Variants in ATP2C2 observed in about 807,000 individuals in gnomAD.
ATP2C2 encodes the protein calcium-transporting ATPase type 2C member 2.
Under a neutral mutation model 110.8 loss-of-function variants are expected in ATP2C2, and 171 were observed. The ratio of observed to expected loss-of-function variants is 1.54; its 90% CI spans 1.36 to 1.75. The LOEUF (loss-of-function observed/expected upper bound fraction) is 1.75, where lower values mean the gene tolerates loss of function less well. Ranked by LOEUF, ATP2C2 falls within the 40% of genes most tolerant of loss-of-function variation. The pLI is 0.00. For synonymous variants in ATP2C2, 804 were observed against 508.4 expected (o/e 1.58, Z -7.82); for missense variants, 1,963 against 1,235.0 (o/e 1.59, Z -8.84).
At chr16:84,440,543 C>T (rs1339879035) in intron 13 of ATP2C2, among the ~76,000 whole-genome samples, 1 of 152,200 alleles carries the variant, frequency 6.6e-6, no homozygotes, top group Admixed American at 6.6e-5. Context: ...AAGGCTAACA[C>T]GTTTACCCAG....
intron 1 of ATP2C2, 125 bp from the exon 2 acceptor site, chr16:84,398,374 C>G (rs1475300924): frequency 6.4e-6 from 3 of 470,932 alleles, no homozygotes; most frequent in Non-Finnish European, 3.4e-6. Context: ...ACACTGCACT[C>G]CAGCCTGGGT....
At chr16:84,406,963 C>T (rs1338152768) in intron 3 of ATP2C2, among the ~76,000 whole-genome samples, 1 of 152,166 alleles carries the variant, frequency 6.6e-6, no homozygotes, top group Non-Finnish European at 1.5e-5. Context: ...AAAATGAAAT[C>T]TCTTAAATTT....
intron 15 of ATP2C2, among the ~76,000 whole-genome samples, chr16:84,442,879 G>C (rs535766858): frequency 3.6e-4 from 55 of 152,282 alleles, no homozygotes; most frequent in African/African-American, 1.3e-3. Flanking sequence ...GTCAGGTGTT[G>C]AGGCGACAGA....
rs1911427704 is a variant in ATP2C2 at position 84,462,099 on chromosome 16, G to A, written c.2692G>A (p.Val898Ile). 4 of 1,613,982 alleles carry A rather than the reference G, an allele frequency of 2.5e-6. No individual in the cohort carries two copies. The highest frequency in any genetic ancestry group is 3.4e-6 in the Non-Finnish European group (4 of 1,179,922). Reference protein sequence around the residue: ...AVIYIPPLQRVFQTENLGALD... With the variant: ...AVIYIPPLQRIFQTENLGALD... ...CATTTACATCCCCCCGCTGCAGAGGGTCTTCCAGACGGAGAACCTGGGAGC... is the reference window on the plus strand; with the variant it reads ...CATTTACATCCCCCCGCTGCAGAGGATCTTCCAGACGGAGAACCTGGGAGC... The change falls in exon 26 of 27, where the codon GTC becomes ATC. Residue 898 changes from valine to isoleucine, a missense_variant. Physicochemically the swap from Val to Ile is conservative, Grantham distance 29. Transcript: ENST00000262429.
intron 1 of ATP2C2, among the ~76,000 whole-genome samples, chr16:84,397,308 C>A (rs1263467190): frequency 6.6e-6 from 1 of 151,434 alleles, no homozygotes; most frequent in Non-Finnish European, 1.5e-5. Context: ...TTTAAAATGT[C>A]CCATAGAACC....
In ATP2C2 at chr16:84,446,486, A is replaced by C. The variant is rs1351496767; in HGVS notation, c.1503+56A>C. Reference sequence around the variant, plus strand: ...TCTTTCTGCCCGGGCCCCCACCCAGAGATAAAGCAAAATGCAGACTTCAAG... The same window carrying C: ...TCTTTCTGCCCGGGCCCCCACCCAGCGATAAAGCAAAATGCAGACTTCAAG... On this transcript the variant is annotated intron_variant, in intron 16 of 26. Coordinates refer to ENST00000262429, the MANE Select transcript of ATP2C2 (RefSeq NM_014861.4). 2.3e-6 allele frequency: 3 copies of C among 1,287,316 alleles called. No individual in the cohort carries two copies. In the African/African-American group the frequency reaches 4.6e-5, roughly 20 times the overall value. The allele number at this position is 1,287,316 out of a possible 1,614,324, so 79.7% of individuals were successfully genotyped here.
intron 2 of ATP2C2, among the ~76,000 whole-genome samples, chr16:84,400,125 C>T (rs1276064701): frequency 5.9e-5 from 9 of 152,094 alleles, no homozygotes. Flanking sequence ...GCATAGTACT[C>T]CATTGTGTAT....
At position 84,439,534 on chromosome 16, in the gene ATP2C2, A is replaced by C; in HGVS notation, c.1209+10A>C. The C allele has an allele frequency of 6.2e-7, 1 of 1,613,302 alleles. No individual in the cohort carries two copies. Among genetic ancestry groups the C allele is most frequent in the South Asian group, 1.1e-5 (1 of 91,068 alleles). ...TGGGCTTCGTGCCGAGGTGAGTGCC[A>C]AAGGAATTTACAAGCCTTAAGGATG... On this transcript the variant is annotated intron_variant, in intron 13 of 26. Coordinates refer to ENST00000262429, the MANE Select transcript of ATP2C2 (RefSeq NM_014861.4).
At chr16:84,371,831 G>A (rs1370169304) in intron 1 of ATP2C2, among the ~76,000 whole-genome samples, 2 of 152,184 alleles carry the variant, frequency 1.3e-5, no homozygotes, top group African/African-American at 4.8e-5. Flanking sequence ...CACGGAGGGG[G>A]CTCCCTCTGT....
chr16:84,444,804 A>G (rs1385136077), intron 15 of ATP2C2, among the ~76,000 whole-genome samples: 1 of 152,194 alleles, frequency 6.6e-6, no homozygotes, highest in Non-Finnish European at 1.5e-5. Flanking sequence ...GGAATACAGA[A>G]CAAACACTGG....
chr16:84,439,461 G>T lies in ATP2C2; in HGVS notation c.1146G>T (p.Gly382=). The T allele has an allele frequency of 6.2e-7, 1 of 1,614,148 alleles. No individual in the cohort carries two copies. Among genetic ancestry groups the T allele is most frequent in the African/African-American group, 1.3e-5 (1 of 75,026 alleles). The change falls in exon 13 of 27, where the codon GGG becomes GGT. Residue 382 remains glycine, a synonymous_variant. Coordinates refer to ENST00000262429, the MANE Select transcript of ATP2C2 (RefSeq NM_014861.4). The stretch of plus-strand genomic sequence containing the variant: ...GCGTTCTCTGTTCTGACAAGACGGG[G>T]ACTCTGACTGCCAATGAAATGACAG... ...CCSVLCSDKT[G]TLTANEMTVT... is the part of the protein sequence containing the mutation.
chr16:84,373,109 G>T (rs1910050422), intron 1 of ATP2C2, among the ~76,000 whole-genome samples: 1 of 136,270 alleles, frequency 7.3e-6, no homozygotes, highest in Admixed American at 7.7e-5. Flanking sequence ...GACAGAGCGA[G>T]ACTCCCTCTC....
At chr16:84,448,450 TA>T in intron 16 of ATP2C2, 82 bp from the exon 17 acceptor site, 1 of 1,471,256 alleles carries the variant, frequency 6.8e-7, no homozygotes, top group Non-Finnish European at 9.2e-7. Context: ...TGTGTCTTTG[TA>T]ACCTTGTGCA....
chr16:84,460,945 C>T (rs772085697), intron 24 of ATP2C2, 144 bp downstream of exon 24: 12 of 1,216,042 alleles, frequency 9.9e-6, no homozygotes, highest in African/African-American at 6.1e-5. Flanking sequence ...CCATCAGAGG[C>T]GTGGGGTGCA....
intron 1 of ATP2C2, 77 bp downstream of exon 1, chr16:84,368,791 A>C: frequency 2.4e-6 from 3 of 1,250,576 alleles, no homozygotes; most frequent in Non-Finnish European, 2.2e-6. Context: ...CCGGCCCGAG[A>C]CCCCGCGTTC....
intron 7 of ATP2C2, among the ~76,000 whole-genome samples, chr16:84,416,357 A>G (rs1028060232): frequency 6.6e-6 from 1 of 152,228 alleles, no homozygotes; most frequent in Non-Finnish European, 1.5e-5. Context: ...TCTTTCCAAG[A>G]ATGTGTAAGG....
chr16:84,411,099 A>G (rs1194477499), intron 6 of ATP2C2, among the ~76,000 whole-genome samples: 2 of 152,062 alleles, frequency 1.3e-5, no homozygotes, highest in African/African-American at 4.8e-5. Flanking sequence ...TTTTCTAGGG[A>G]GAGGGTCTGG....
In ATP2C2 at chr16:84,463,610, G is replaced by C; in HGVS notation, c.2723-4G>C. Reference sequence around the variant, plus strand: ...TGAATCTTTTCTGTTTTCTCCCTTGGCAGATTTGCTGTTTTTAACTGGATT... The same window carrying C: ...TGAATCTTTTCTGTTTTCTCCCTTGCCAGATTTGCTGTTTTTAACTGGATT... On this transcript the variant is annotated splice_region_variant and splice_polypyrimidine_tract_variant and intron_variant, in intron 26 of 26. Coordinates refer to ENST00000262429, the MANE Select transcript of ATP2C2 (RefSeq NM_014861.4). 1 of 1,611,236 alleles carries C rather than the reference G, an allele frequency of 6.2e-7. No individual in the cohort carries two copies. The highest frequency in any genetic ancestry group is 8.5e-7 in the Non-Finnish European group (1 of 1,177,388).
chr16:84,392,733 G>A (rs1428935483), intron 1 of ATP2C2, among the ~76,000 whole-genome samples: 1 of 152,174 alleles, frequency 6.6e-6, no homozygotes, highest in African/African-American at 2.4e-5. Flanking sequence ...AAAGTGCTGG[G>A]ATTACGGGCG....
Sources: allele counts gnomAD v4.1 joint callset (sites outside exome capture counted in the v4.1 genomes callset), GRCh38; gene constraint gnomAD v4.1.1; transcripts MANE v1.5; gene names NCBI Gene and HGNC (gene_info 2026-07-23, HGNC 2026-07-21).